The following DPP10 variants were observed in gnomAD, a reference collection of about 807,000 sequenced individuals.
DPP10 encodes inactive dipeptidyl peptidase 10.
A neutral mutation model predicts 120.9 loss-of-function variants in DPP10; 33 were observed. The observed-to-expected ratio is 0.27, with a 90% CI of 0.21 to 0.37. The LOEUF (loss-of-function observed/expected upper bound fraction) is 0.37, where lower values mean the gene tolerates loss of function less well. DPP10 is among the 10% of genes least tolerant of loss of function. The pLI, the probability that DPP10 is intolerant of heterozygous loss-of-function variation, is 1.00. For missense variants in DPP10, 816 were observed against 942.8 expected, an observed-to-expected ratio of 0.87 and a Z score of 1.76; for synonymous variants, 337 against 326.1, an observed-to-expected ratio of 1.03 and a Z score of -0.36.
At chr2:114,843,476 T>C (rs1259570854) in intron 1 of DPP10, among the ~76,000 whole-genome samples, 1 of 152,182 alleles carries the variant, frequency 6.6e-6, no homozygotes, top group Admixed American at 6.6e-5. Flanking sequence ...GGACAGAGTA[T>C]GCAGGGGCTT....
intron 3 of DPP10, among the ~76,000 whole-genome samples, chr2:115,392,216 C>T (rs530276800): frequency 6.6e-6 from 1 of 152,052 alleles, no homozygotes; most frequent in South Asian, 2.1e-4. Flanking sequence ...TTTTCTTCCC[C>T]CCGCAAAGCC....
chr2:115,403,874 A>T (rs1030169004), intron 3 of DPP10, among the ~76,000 whole-genome samples: 3 of 152,338 alleles, frequency 2.0e-5, no homozygotes, highest in African/African-American at 7.2e-5. Flanking sequence ...AACTATTAGA[A>T]CTGATCAATG....
At chr2:114,696,597 A>G (rs1573988933) in intron 1 of DPP10, among the ~76,000 whole-genome samples, 2 of 152,026 alleles carry the variant, frequency 1.3e-5, no homozygotes, top group East Asian at 3.9e-4. Flanking sequence ...TTATTACTAC[A>G]TGTCCCTTAT....
At chr2:115,806,629 A>G (rs1178546765) in intron 19 of DPP10, among the ~76,000 whole-genome samples, 1 of 152,174 alleles carries the variant, frequency 6.6e-6, no homozygotes, top group Non-Finnish European at 1.5e-5. Context: ...AATAATTAGC[A>G]TCCATTCCTG....
At chr2:114,827,105 ACCTGC>A (rs1015871182) in intron 1 of DPP10, among the ~76,000 whole-genome samples, 3 of 151,732 alleles carry the variant, frequency 2.0e-5, no homozygotes, top group African/African-American at 7.3e-5. Flanking sequence ...CATTCCTGTG[ACCTGC>A]TTGGGGGAGA....
chr2:114,727,218 A>T (rs1185696725), intron 1 of DPP10, among the ~76,000 whole-genome samples: 1 of 152,128 alleles, frequency 6.6e-6, no homozygotes, highest in Non-Finnish European at 1.5e-5. Context: ...GGAGCAGGCG[A>T]TGGCTGGCAG....
At chr2:115,036,211 G>A (rs981856038) in intron 1 of DPP10, among the ~76,000 whole-genome samples, 6 of 152,138 alleles carry the variant, frequency 3.9e-5, no homozygotes, top group African/African-American at 1.4e-4. Context: ...AAAATCATCA[G>A]ATCTCATGAG....
chr2:114,923,167 A>C (rs1378516858), intron 1 of DPP10, among the ~76,000 whole-genome samples: 1 of 149,942 alleles, frequency 6.7e-6, no homozygotes. Context: ...TTTTTTTCCC[A>C]TTCTGTATTT....
intron 1 of DPP10, among the ~76,000 whole-genome samples, chr2:114,703,858 ACT>A (rs2105829226): frequency 6.6e-6 from 1 of 152,182 alleles, no homozygotes; most frequent in Admixed American, 6.6e-5. Flanking sequence ...ACTCAAACAC[ACT>A]GTTTGGGCTG....
chr2:114,522,322 T>C (rs1004815508), intron 1 of DPP10, among the ~76,000 whole-genome samples: 1 of 152,264 alleles, frequency 6.6e-6, no homozygotes, highest in East Asian at 1.9e-4. Context: ...TGTTCTTCAA[T>C]GTAAAGGCTA....
chr2:115,191,419 T>C (rs897965464), intron 1 of DPP10, among the ~76,000 whole-genome samples: 3 of 152,098 alleles, frequency 2.0e-5, no homozygotes, highest in African/African-American at 7.2e-5. Flanking sequence ...TTTTCTGAGG[T>C]GGAGAGTTGC....
chr2:115,387,445 A>G (rs1047657327), intron 3 of DPP10, among the ~76,000 whole-genome samples: 11 of 152,212 alleles, frequency 7.2e-5, no homozygotes, highest in Non-Finnish European at 1.6e-4. Flanking sequence ...TATTGTCCTC[A>G]TAACCAAACT....
At chr2:114,482,290 T>A (rs1360081980) in intron 1 of DPP10, among the ~76,000 whole-genome samples, 1 of 152,134 alleles carries the variant, frequency 6.6e-6, no homozygotes, top group Admixed American at 6.6e-5. Flanking sequence ...AGAAAGTGAA[T>A]GTGGTGATAG....
chr2:114,607,971 A>G (rs546666583), intron 1 of DPP10, among the ~76,000 whole-genome samples: 2 of 151,934 alleles, frequency 1.3e-5, no homozygotes, highest in Non-Finnish European at 2.9e-5. Context: ...ATGTATTATG[A>G]CCCCCAAGCT....
intron 1 of DPP10, among the ~76,000 whole-genome samples, chr2:114,463,131 G>T (rs542966994): frequency 1.3e-5 from 2 of 152,176 alleles, no homozygotes; most frequent in East Asian, 1.9e-4. Flanking sequence ...TCGCTTCTAG[G>T]CCCTCTCAGT....
At position 114,939,633 on chromosome 2, in the gene DPP10, A is replaced by G. The variant is rs542132215; in HGVS notation, c.61-369606A>G. The stretch of plus-strand genomic sequence containing the variant: ...ATATAGTTAAAATCTGTCAATTTTA[A>G]TTGATATCACCAATATTTAACTGAA... On this transcript the variant is annotated intron_variant, in intron 1 of 25. Coordinates refer to ENST00000410059, the MANE Select transcript of DPP10 (RefSeq NM_020868.6). Among the ~76,000 whole-genome samples, 4 of 152,274 alleles carry G rather than the reference A, an allele frequency of 2.6e-5. No individual in the cohort carries two copies. In the South Asian group the frequency reaches 8.3e-4, roughly 32 times the overall value.
intron 5 of DPP10, among the ~76,000 whole-genome samples, chr2:115,594,434 C>A (rs1353106235): frequency 6.6e-6 from 1 of 151,916 alleles, no homozygotes; most frequent in Non-Finnish European, 1.5e-5. Context: ...CTCTGAAAAA[C>A]AAAACATAAA....
intron 5 of DPP10, among the ~76,000 whole-genome samples, chr2:115,527,761 A>G (rs942990286): frequency 2.6e-5 from 4 of 152,288 alleles, no homozygotes; most frequent in South Asian, 4.1e-4. Context: ...ACATGAAAAT[A>G]TTTTAACATT....
At chr2:115,491,299 T>C (rs983894749) in intron 3 of DPP10, among the ~76,000 whole-genome samples, 1 of 152,078 alleles carries the variant, frequency 6.6e-6, no homozygotes, top group Non-Finnish European at 1.5e-5. Flanking sequence ...ACAGGAGGTA[T>C]CCAGGGCAGG....
Sources: gnomAD v4.1 joint callset for allele counts (sites outside exome capture counted in the v4.1 genomes callset) on GRCh38, gnomAD v4.1.1 for gene constraint, MANE v1.5 for transcripts, NCBI Gene and HGNC (gene_info 2026-07-23, HGNC 2026-07-21) for gene names.